The following ZNF385B variants were observed in gnomAD, a reference collection of about 807,000 sequenced individuals.
The protein encoded by ZNF385B is zinc finger protein 385B, also known as zinc finger protein 533.
Under a neutral mutation model 39.2 loss-of-function variants are expected in ZNF385B, and 23 were observed. That is an observed-to-expected ratio of 0.59 (90% CI 0.42 to 0.83). ZNF385B has a LOEUF of 0.83. Among genes scored for constraint, ZNF385B ranks in the 40% least tolerant of loss-of-function variants. ZNF385B has a pLI of 0.00. For missense variants in ZNF385B, 552 were observed against 598.9 expected (o/e 0.92, Z 0.82); for synonymous variants, 205 against 222.6 (o/e 0.92, Z 0.70).
intron 1 of ZNF385B, among the ~76,000 whole-genome samples, chr2:179,806,642 C>T (rs1706368560): frequency 6.6e-6 from 1 of 152,198 alleles, no homozygotes; most frequent in Non-Finnish European, 1.5e-5. Context: ...ACTTGTAAGA[C>T]ATTCTCACAT....
chr2:179,782,276 C>T (rs1704713635), intron 1 of ZNF385B, among the ~76,000 whole-genome samples: 1 of 152,022 alleles, frequency 6.6e-6, no homozygotes, highest in Admixed American at 6.6e-5. Context: ...TTTTGATAAA[C>T]TTCAACACCC....
rs150103835 is a variant in ZNF385B at position 179,709,494 on chromosome 2, C to T, written c.298+60009G>A. ...ATATCCAGGGCATGCATATAACAGT[C>T]TACCATGAGGATGCCCACACTGCAT... is the stretch of plus-strand genomic sequence containing the variant. On this transcript the variant is annotated intron_variant, in intron 3 of 9. Transcript: ENST00000410066. Among the ~76,000 whole-genome samples the T allele has an allele frequency of 1.8e-3, 272 of 151,068 alleles. 2 individuals carry two copies. The highest frequency in any genetic ancestry group is 5.1e-3 in the African/African-American group (211 of 41,052).
chr2:179,734,036 C>T (rs1018222299), intron 3 of ZNF385B, among the ~76,000 whole-genome samples: 1 of 152,070 alleles, frequency 6.6e-6, no homozygotes, highest in African/African-American at 2.4e-5. Context: ...CTGCATATTG[C>T]AAATTTTTCT....
At chr2:179,840,882 T>A (rs943305425) in intron 1 of ZNF385B, among the ~76,000 whole-genome samples, 3 of 152,240 alleles carry the variant, frequency 2.0e-5, no homozygotes, top group Non-Finnish European at 4.4e-5. Flanking sequence ...GTCAAACACT[T>A]TGTGAAGCCC....
At chr2:179,860,759 G>A in intron 1 of ZNF385B, 1 of 453,578 alleles carries the variant, frequency 2.2e-6, no homozygotes, top group Non-Finnish European at 4.6e-6. Context: ...AAACATAGCG[G>A]GGCACTCTCC....
At chr2:179,829,706 G>A (rs190106687) in intron 1 of ZNF385B, among the ~76,000 whole-genome samples, 71 of 152,192 alleles carry the variant, frequency 4.7e-4, no homozygotes, top group African/African-American at 1.7e-3. Flanking sequence ...GTAGAGACGG[G>A]GTTTCACCGT....
At chr2:179,561,388 A>G (rs1158572998) in intron 3 of ZNF385B, among the ~76,000 whole-genome samples, 1 of 152,196 alleles carries the variant, frequency 6.6e-6, no homozygotes, top group African/African-American at 2.4e-5. Flanking sequence ...TGGAAAAATT[A>G]ATCAATTTCT....
intron 3 of ZNF385B, among the ~76,000 whole-genome samples, chr2:179,698,884 G>T (rs1041373355): frequency 5.9e-5 from 9 of 152,070 alleles, no homozygotes; most frequent in Non-Finnish European, 1.3e-4. Context: ...AAAATCAAAA[G>T]ATCATCTTCT....
At chr2:179,765,050 CT>C (rs140996113) in intron 3 of ZNF385B, among the ~76,000 whole-genome samples, 7,233 of 152,234 alleles carry the variant, frequency 0.048, 254 homozygotes, top group Middle Eastern at 0.099. Context: ...ATTGGCTGTC[CT>C]GGGTCTTCAG....
chr2:179,637,686 C>T (rs11688746), intron 3 of ZNF385B, among the ~76,000 whole-genome samples: 2 of 129,934 alleles, frequency 1.5e-5, no homozygotes, highest in Non-Finnish European at 3.2e-5. Flanking sequence ...GAAAGGATAA[C>T]AAACTTGACC....
intron 4 of ZNF385B, among the ~76,000 whole-genome samples, chr2:179,540,580 G>T (rs1224663241): frequency 6.6e-6 from 1 of 152,148 alleles, no homozygotes; most frequent in Non-Finnish European, 1.5e-5. Context: ...ACTCATAAAT[G>T]TTATTATTCC....
In ZNF385B at chr2:179,528,311, T is replaced by C. The variant is rs532415136; in HGVS notation, c.442-9673A>G. 1.4e-4 allele frequency among the ~76,000 whole-genome samples: 21 copies of C among 152,328 alleles called. No individual in the cohort carries two copies. In the South Asian group the frequency reaches 4.3e-3, roughly 32 times the overall value. Reference sequence around the variant, plus strand: ...AGAAGAAAGGTAAACTAAAGTAATCTGCATTTTGAAAGTTCTCTAAGGATG... The same window carrying C: ...AGAAGAAAGGTAAACTAAAGTAATCCGCATTTTGAAAGTTCTCTAAGGATG... On this transcript the variant is annotated intron_variant, in intron 4 of 9. Transcript: ENST00000410066.
intron 1 of ZNF385B, among the ~76,000 whole-genome samples, chr2:179,804,038 G>A (rs937251774): frequency 3.3e-5 from 5 of 152,140 alleles, no homozygotes; most frequent in Non-Finnish European, 7.4e-5. Flanking sequence ...TGGCAACTGT[G>A]TTACCAACAC....
chr2:179,819,534 C>A (rs944770424), intron 1 of ZNF385B, among the ~76,000 whole-genome samples: 18 of 152,218 alleles, frequency 1.2e-4, no homozygotes, highest in African/African-American at 4.3e-4. Flanking sequence ...CTTGAAACTT[C>A]ATTCCTTCTT....
rs1370078062 is a variant in ZNF385B at position 179,767,912 on chromosome 2, A to G, written c.298+1591T>C. Among the ~76,000 whole-genome samples, 5 of 148,254 alleles carry G rather than the reference A, an allele frequency of 3.4e-5. No individual in the cohort carries two copies. In the Admixed American group the frequency reaches 3.4e-4, roughly 10 times the overall value. On this transcript the variant is annotated intron_variant, in intron 3 of 9. Coordinates refer to ENST00000410066, the MANE Select transcript of ZNF385B (RefSeq NM_152520.6). The stretch of plus-strand genomic sequence containing the variant: ...GTTTTGAACCTAACACTAAATATAT[A>G]TATAATATTATTAATAATATAATAT...
chr2:179,515,593 T>C (rs759339155), intron 5 of ZNF385B, among the ~76,000 whole-genome samples: 28 of 152,242 alleles, frequency 1.8e-4, no homozygotes, highest in Admixed American at 8.5e-4. Context: ...AAAATTTACT[T>C]GAATCTATTT....
At chr2:179,611,082 A>G (rs2106132548) in intron 3 of ZNF385B, among the ~76,000 whole-genome samples, 1 of 152,324 alleles carries the variant, frequency 6.6e-6, no homozygotes, top group South Asian at 2.1e-4. Flanking sequence ...ACTATGTTGA[A>G]TAACAGTGGT....
At chr2:179,519,102 G>A (rs891346866) in intron 4 of ZNF385B, among the ~76,000 whole-genome samples, 2 of 152,074 alleles carry the variant, frequency 1.3e-5, no homozygotes, top group Admixed American at 6.5e-5. Context: ...TGTTTCAGCC[G>A]CCCGAGTAGC....
chr2:179,460,713 G>T lies in ZNF385B; in HGVS notation c.716-13943C>A, dbSNP rs539154304. 3.3e-5 allele frequency among the ~76,000 whole-genome samples: 5 copies of T among 152,220 alleles called. No homozygotes were observed. The East Asian group carries it at 9.7e-4, about 29-fold the overall frequency. ...AGACCCATGACTCATGACTCAACCA[G>T]TCCTGTGGTCCTGACTCAGAGGCTG... is the stretch of plus-strand genomic sequence containing the variant. On this transcript the variant is annotated intron_variant, in intron 6 of 9. Transcript: ENST00000410066.
Sources: gnomAD v4.1 joint callset for allele counts (sites outside exome capture counted in the v4.1 genomes callset) on GRCh38, gnomAD v4.1.1 for gene constraint, MANE v1.5 for transcripts, NCBI Gene and HGNC (gene_info 2026-07-23, HGNC 2026-07-21) for gene names.